ZNF385B: variants seen among roughly 807,000 people sequenced by gnomAD.
The protein encoded by ZNF385B is zinc finger protein 385B, also known as zinc finger protein 533.
A neutral mutation model predicts 39.2 loss-of-function variants in ZNF385B; 23 were observed. The ratio of observed to expected loss-of-function variants is 0.59; its 90% CI spans 0.42 to 0.83. The LOEUF is 0.83. ZNF385B is among the 40% of genes least tolerant of loss of function. The pLI, the probability that ZNF385B is intolerant of heterozygous loss-of-function variation, is 0.00. For synonymous variants in ZNF385B, 205 were observed against 222.6 expected, an observed-to-expected ratio of 0.92 and a Z score of 0.70; for missense variants, 552 against 598.9, an observed-to-expected ratio of 0.92 and a Z score of 0.82.
chr2:179,790,109 T>C (rs1705236905), intron 1 of ZNF385B, among the ~76,000 whole-genome samples: 1 of 152,196 alleles, frequency 6.6e-6, no homozygotes, highest in Non-Finnish European at 1.5e-5. Context: ...AGTCTGGTTA[T>C]AAGCAGAACA....
chr2:179,442,935 TTC>T lies in ZNF385B; in HGVS notation c.*313_*314del, dbSNP rs1414708818. 9 of 421,372 alleles carry T rather than the reference TTC, an allele frequency of 2.1e-5. No individual in the cohort carries two copies. In the Admixed American group the frequency reaches 3.5e-4, roughly 16 times the overall value. The allele number at this position is 421,372 out of a possible 1,614,324, so 26.1% of individuals were successfully genotyped here. On this transcript the variant is annotated 3_prime_UTR_variant, in exon 10 of 10. Coordinates refer to ENST00000410066, the MANE Select transcript of ZNF385B (RefSeq NM_152520.6). The stretch of plus-strand genomic sequence containing the variant: ...ACCCATGGAAAAATAGAGAATGGTT[TTC>T]TTTCTTTTTCTTTCTGACCAATACA...
chr2:179,533,662 A>G (rs2059395781), intron 4 of ZNF385B, among the ~76,000 whole-genome samples: 1 of 152,150 alleles, frequency 6.6e-6, no homozygotes, highest in Non-Finnish European at 1.5e-5. Context: ...GTCAAAGTTC[A>G]AGGGATTTTT....
chr2:179,822,596 T>C (rs972716336), intron 1 of ZNF385B, among the ~76,000 whole-genome samples: 4 of 152,296 alleles, frequency 2.6e-5, no homozygotes, highest in Admixed American at 2.6e-4. Flanking sequence ...CTCCACATCA[T>C]GAACCTAAAG....
At chr2:179,821,649 TACC>T (rs752001111) in intron 1 of ZNF385B, among the ~76,000 whole-genome samples, 3 of 152,150 alleles carry the variant, frequency 2.0e-5, no homozygotes, top group Non-Finnish European at 2.9e-5. Context: ...CTAGCCATTT[TACC>T]AAGACGTGCT....
chr2:179,466,976 A>T (rs1049996883), intron 6 of ZNF385B, among the ~76,000 whole-genome samples: 1 of 128,690 alleles, frequency 7.8e-6, no homozygotes, highest in African/African-American at 2.8e-5. Context: ...AGGGAAAGGG[A>T]GGGGAGGGGA....
intron 5 of ZNF385B, among the ~76,000 whole-genome samples, chr2:179,515,486 G>A (rs935526373): frequency 2.0e-5 from 3 of 152,100 alleles, no homozygotes; most frequent in African/African-American, 7.2e-5. Context: ...AAGTGGTCAG[G>A]TAAGTAGTAA....
chr2:179,578,228 C>CCAGT (rs1686063319), intron 3 of ZNF385B, among the ~76,000 whole-genome samples: 1 of 152,188 alleles, frequency 6.6e-6, no homozygotes, highest in Admixed American at 6.5e-5. Context: ...CTACTATGAA[C>CCAGT]CAGTGCCTGT....
At chr2:179,563,144 T>C (rs1684134448) in intron 3 of ZNF385B, among the ~76,000 whole-genome samples, 3 of 152,190 alleles carry the variant, frequency 2.0e-5, no homozygotes, top group Non-Finnish European at 4.4e-5. Context: ...ATTTCAGTTA[T>C]ATAGGGTATT....
intron 3 of ZNF385B, among the ~76,000 whole-genome samples, chr2:179,656,757 A>G (rs1693813752): frequency 1.3e-5 from 2 of 152,234 alleles, no homozygotes; most frequent in East Asian, 1.9e-4. Flanking sequence ...GATATACCAT[A>G]TATCTATGTA....
chr2:179,791,999 T>A (rs1401086523), intron 1 of ZNF385B, among the ~76,000 whole-genome samples: 1 of 152,178 alleles, frequency 6.6e-6, no homozygotes, highest in Non-Finnish European at 1.5e-5. Context: ...TGACCTCAAG[T>A]GACCCACCTG....
chr2:179,793,003 G>A (rs1377293953), intron 1 of ZNF385B, among the ~76,000 whole-genome samples: 1 of 152,108 alleles, frequency 6.6e-6, no homozygotes, highest in Non-Finnish European at 1.5e-5. Flanking sequence ...AAGTGTTCTA[G>A]GGACCATACA....
intron 1 of ZNF385B, among the ~76,000 whole-genome samples, chr2:179,784,191 A>G (rs2106528252): frequency 6.6e-6 from 1 of 152,266 alleles, no homozygotes; most frequent in East Asian, 1.9e-4. Context: ...ATGGAGCTGG[A>G]GGCTATCATC....
intron 3 of ZNF385B, among the ~76,000 whole-genome samples, chr2:179,684,087 T>A (rs1258675312): frequency 6.6e-6 from 1 of 152,126 alleles, no homozygotes; most frequent in African/African-American, 2.4e-5. Context: ...AATGAGCACA[T>A]ACAATTTAGT....
chr2:179,746,047 A>T (rs1383470555), intron 3 of ZNF385B: 1 of 1,068,414 alleles, frequency 9.4e-7, no homozygotes, highest in Non-Finnish European at 1.1e-6. Context: ...AGCACTGTCA[A>T]TGTACAAGTC....
chr2:179,452,533 AC>A (rs1189664176), intron 6 of ZNF385B, among the ~76,000 whole-genome samples: 1 of 152,142 alleles, frequency 6.6e-6, no homozygotes. Flanking sequence ...TTAATATTCT[AC>A]CTACAATGTA....
At chr2:179,748,603 C>CT (rs1702509334) in intron 3 of ZNF385B, among the ~76,000 whole-genome samples, 1 of 152,048 alleles carries the variant, frequency 6.6e-6, no homozygotes, top group Admixed American at 6.6e-5. Context: ...AATAGAGGTT[C>CT]TTTAAAATCA....
At chr2:179,483,766 G>A (rs2054268762) in intron 5 of ZNF385B, among the ~76,000 whole-genome samples, 2 of 152,168 alleles carry the variant, frequency 1.3e-5, no homozygotes, top group Non-Finnish European at 2.9e-5. Flanking sequence ...TTCAAACATT[G>A]GCTGGCAGCA....
At chr2:179,719,713 T>C (rs1481741653) in intron 3 of ZNF385B, among the ~76,000 whole-genome samples, 11 of 152,334 alleles carry the variant, frequency 7.2e-5, no homozygotes, top group Non-Finnish European at 7.4e-5. Context: ...ACATCTTCAA[T>C]AGATGTTCTT....
intron 1 of ZNF385B, among the ~76,000 whole-genome samples, chr2:179,772,087 A>G (rs142694693): frequency 7.0e-4 from 107 of 152,282 alleles, no homozygotes; most frequent in Non-Finnish European, 8.8e-4. Flanking sequence ...TAATGTTCCT[A>G]TGACTTTTTT....
Sources: gnomAD v4.1 joint callset for allele counts (sites outside exome capture counted in the v4.1 genomes callset) on GRCh38, gnomAD v4.1.1 for gene constraint, MANE v1.5 for transcripts, NCBI Gene and HGNC (gene_info 2026-07-23, HGNC 2026-07-21) for gene names.